The following WDR72 variants were observed in gnomAD, a reference collection of about 807,000 sequenced individuals.
The protein encoded by WDR72 is WD repeat-containing protein 72.
Under a neutral mutation model 124.2 loss-of-function variants are expected in WDR72, and 120 were observed. The ratio of observed to expected loss-of-function variants is 0.97; its 90% confidence interval spans 0.83 to 1.12. WDR72 has a LOEUF of 1.12. Among genes scored for constraint, WDR72 ranks in the 50% most tolerant of loss-of-function variants. The probability of loss-of-function intolerance (pLI) is 0.00; values close to 1 mark genes in which losing one functional copy is unlikely to be tolerated. For synonymous variants in WDR72, 452 were observed against 441.7 expected (o/e 1.02, Z -0.29); for missense variants, 1,387 against 1,278.8 (o/e 1.08, Z -1.29).
At chr15:53,670,280 T>C (rs2015941071) in intron 13 of WDR72, among the ~76,000 whole-genome samples, 1 of 152,194 alleles carries the variant, frequency 6.6e-6, no homozygotes, top group Non-Finnish European at 1.5e-5. Context: ...AACATCTTGA[T>C]AAGAAATGAA....
At chr15:53,701,020 A>G (rs553771927) in intron 12 of WDR72, among the ~76,000 whole-genome samples, 1 of 152,354 alleles carries the variant, frequency 6.6e-6, no homozygotes, top group African/African-American at 2.4e-5. Context: ...CTGACTTAAA[A>G]AATCATTTTA....
At chr15:53,580,296 C>T (rs948573321) in intron 18 of WDR72, among the ~76,000 whole-genome samples, 1 of 152,034 alleles carries the variant, frequency 6.6e-6, no homozygotes, top group Non-Finnish European at 1.5e-5. Flanking sequence ...AAGCTTGTCT[C>T]CAAGAACATT....
intron 18 of WDR72, among the ~76,000 whole-genome samples, chr15:53,579,540 C>T (rs758789067): frequency 8.6e-5 from 13 of 151,876 alleles, no homozygotes; most frequent in Admixed American, 2.6e-4. Flanking sequence ...AGGGAATGGG[C>T]GAAATACTAA....
chr15:53,714,289 T>G, intron 6 of WDR72, 145 bp downstream of exon 6: 2 of 718,200 alleles, frequency 2.8e-6, no homozygotes, highest in Non-Finnish European at 4.8e-6. Context: ...GGAAGATGGA[T>G]GGGGGAAATA....
At chr15:53,737,516 A>C (rs954172293) in intron 1 of WDR72, among the ~76,000 whole-genome samples, 1 of 152,188 alleles carries the variant, frequency 6.6e-6, no homozygotes, top group African/African-American at 2.4e-5. Flanking sequence ...AAACTGATGT[A>C]ATACTGGACA....
intron 13 of WDR72, among the ~76,000 whole-genome samples, chr15:53,688,211 A>T (rs2016710139): frequency 6.6e-6 from 1 of 150,646 alleles, no homozygotes; most frequent in Non-Finnish European, 1.5e-5. Flanking sequence ...AGTTCTGGCC[A>T]GGGCAATTAG....
intron 5 of WDR72, 53 bp downstream of exon 5, chr15:53,715,140 G>T: frequency 6.3e-7 from 1 of 1,581,250 alleles, no homozygotes; most frequent in Non-Finnish European, 8.7e-7. Context: ...TAATTCAAAA[G>T]TAGATATTTT....
chr15:53,642,385 C>G (rs919872470), intron 14 of WDR72, among the ~76,000 whole-genome samples: 3 of 151,980 alleles, frequency 2.0e-5, no homozygotes, highest in African/African-American at 7.2e-5. Flanking sequence ...AAGCAACTTG[C>G]AGAATAGCTC....
At chr15:53,543,042 A>G (rs1414799562) in intron 18 of WDR72, among the ~76,000 whole-genome samples, 1 of 150,062 alleles carries the variant, frequency 6.7e-6, no homozygotes, top group African/African-American at 2.4e-5. Context: ...CACATTAATA[A>G]TGGGAGACTT....
At chr15:53,686,591 G>T (rs1247816590) in intron 13 of WDR72, among the ~76,000 whole-genome samples, 1 of 151,432 alleles carries the variant, frequency 6.6e-6, no homozygotes, top group Non-Finnish European at 1.5e-5. Flanking sequence ...AAGAGACTTA[G>T]ACTCCCACAC....
At chr15:53,745,146 T>C (rs12902011) in intron 1 of WDR72, among the ~76,000 whole-genome samples, 21,039 of 150,192 alleles carry the variant, frequency 0.14, 1,897 homozygotes, top group Middle Eastern at 0.2. Context: ...AGTTTTCTTA[T>C]CTATAAAATG....
intron 14 of WDR72, among the ~76,000 whole-genome samples, chr15:53,652,490 C>A (rs1438132547): frequency 2.0e-5 from 3 of 152,078 alleles, no homozygotes; most frequent in Admixed American, 6.6e-5. Flanking sequence ...CTAGTCTTTG[C>A]ATCTGGGAAA....
intron 18 of WDR72, among the ~76,000 whole-genome samples, chr15:53,578,261 T>A (rs1261542801): frequency 3.3e-5 from 5 of 152,030 alleles, no homozygotes; most frequent in Middle Eastern, 3.4e-3. Flanking sequence ...AAACACAGGG[T>A]GGTCAGTGGT....
intron 11 of WDR72, 32 bp downstream of exon 11, chr15:53,704,955 TC>T (rs1324361506): frequency 6.2e-7 from 1 of 1,611,000 alleles, no homozygotes; most frequent in African/African-American, 1.3e-5. Flanking sequence ...TTTAGATAAA[TC>T]AAATAAATAG....
chr15:53,665,243 T>C (rs548795785), intron 14 of WDR72, among the ~76,000 whole-genome samples: 2 of 152,252 alleles, frequency 1.3e-5, no homozygotes, highest in South Asian at 2.1e-4. Flanking sequence ...AGAGGTCAGA[T>C]ACTCTCAAGT....
intron 13 of WDR72, among the ~76,000 whole-genome samples, chr15:53,675,834 T>C (rs112596345): frequency 2.2e-4 from 34 of 152,164 alleles, no homozygotes; most frequent in African/African-American, 8.2e-4. Flanking sequence ...AATAAAGTGC[T>C]GGGTGAGGGG....
At chr15:53,733,614 T>A (rs1262972807) in intron 1 of WDR72, among the ~76,000 whole-genome samples, 3 of 152,206 alleles carry the variant, frequency 2.0e-5, no homozygotes, top group Admixed American at 6.5e-5. Context: ...ATTAAAAAAA[T>A]AAATCTTTTC....
At chr15:53,675,799 G>A (rs1015156639) in intron 13 of WDR72, among the ~76,000 whole-genome samples, 6 of 152,148 alleles carry the variant, frequency 3.9e-5, no homozygotes, top group Non-Finnish European at 8.8e-5. Flanking sequence ...TATTGGGAAA[G>A]GATAAATTGG....
chr15:53,638,470 A>C (rs1341997784), intron 14 of WDR72, among the ~76,000 whole-genome samples: 3 of 152,220 alleles, frequency 2.0e-5, no homozygotes, highest in African/African-American at 7.2e-5. Flanking sequence ...GGCTTGTTTA[A>C]ACATGGTCCT....
Sources: gnomAD v4.1 joint callset for allele counts (sites outside exome capture counted in the v4.1 genomes callset) on GRCh38, gnomAD v4.1.1 for gene constraint, MANE v1.5 for transcripts, NCBI Gene and HGNC (gene_info 2026-07-23, HGNC 2026-07-21) for gene names.